Variants in HECW1 observed in about 807,000 individuals in gnomAD.
HECW1 encodes E3 ubiquitin-protein ligase HECW1.
Under a neutral mutation model 182.3 loss-of-function variants are expected in HECW1, and 61 were observed. The ratio of observed to expected loss-of-function variants is 0.33; its 90% CI spans 0.27 to 0.41. The LOEUF (loss-of-function observed/expected upper bound fraction) is 0.41. Among genes scored for constraint, HECW1 ranks in the 10% least tolerant of loss-of-function variants. HECW1 has a pLI of 1.00. For synonymous variants in HECW1, 859 were observed against 832.6 expected (o/e 1.03, Z -0.55); for missense variants, 1,739 against 2,108.9 (o/e 0.82, Z 3.44).
intron 17 of HECW1, among the ~76,000 whole-genome samples, chr7:43,485,417 C>T (rs2078591936): frequency 6.6e-6 from 1 of 152,194 alleles, no homozygotes; most frequent in African/African-American, 2.4e-5. Flanking sequence ...TGAAAATAAA[C>T]TGTTTAATTA....
intron 3 of HECW1, among the ~76,000 whole-genome samples, chr7:43,291,175 T>A (rs1805353758): frequency 6.6e-6 from 1 of 152,212 alleles, no homozygotes; most frequent in South Asian, 2.1e-4. Context: ...AGCAAGGCAA[T>A]TTTTACTTTC....
At chr7:43,299,299 G>A (rs554893578) in intron 3 of HECW1, among the ~76,000 whole-genome samples, 30 of 152,318 alleles carry the variant, frequency 2.0e-4, no homozygotes, top group African/African-American at 6.3e-4. Flanking sequence ...GGGAGAGGCC[G>A]TGGGGCTGGT....
intron 29 of HECW1, among the ~76,000 whole-genome samples, chr7:43,561,393 C>G (rs967559331): frequency 2.6e-5 from 4 of 152,208 alleles, no homozygotes; most frequent in African/African-American, 9.6e-5. Flanking sequence ...TCAGGTTCCT[C>G]TAAATAGATG....
At chr7:43,473,906 G>A (rs1163247404) in intron 16 of HECW1, among the ~76,000 whole-genome samples, 1 of 152,088 alleles carries the variant, frequency 6.6e-6, no homozygotes, top group Non-Finnish European at 1.5e-5. Flanking sequence ...TAACAAGTAA[G>A]TAAGTAAAGT....
chr7:43,138,024 A>C lies in HECW1; in HGVS notation c.-32+23633A>C, dbSNP rs542452230. ...AATGATTTCAGTGGCTTTGTTTGTA[A>C]ATTCTTTTGCATCTCTCTCATTTAT... is the stretch of plus-strand genomic sequence containing the variant. On this transcript the variant is annotated intron_variant, in intron 2 of 29. Coordinates refer to ENST00000395891, the MANE Select transcript of HECW1 (RefSeq NM_015052.5). Among the ~76,000 whole-genome samples the C allele has an allele frequency of 3.7e-4, 57 of 152,212 alleles. 3 individuals are homozygous for C. The South Asian group carries it at 0.01, about 28-fold the overall frequency.
At chr7:43,467,381 G>T (rs369064607) in intron 15 of HECW1, among the ~76,000 whole-genome samples, 1 of 152,140 alleles carries the variant, frequency 6.6e-6, no homozygotes, top group Non-Finnish European at 1.5e-5. Context: ...GGATGCACCC[G>T]TGAGGAGGCC....
chr7:43,513,997 C>A (rs978171335), intron 24 of HECW1, among the ~76,000 whole-genome samples: 2 of 152,206 alleles, frequency 1.3e-5, no homozygotes, highest in African/African-American at 4.8e-5. Context: ...TCTCAATCAA[C>A]ACTCTTCTTC....
Position 43,189,319 on chromosome 7 carries a change from G to T in HECW1, c.-31-54556G>T, listed in dbSNP as rs550029732. 4.3e-4 allele frequency among the ~76,000 whole-genome samples: 66 copies of T among 152,242 alleles called. 1 individual carries two copies. The highest frequency in any genetic ancestry group is 2.4e-3 in the Admixed American group (37 of 15,300). On this transcript the variant is annotated intron_variant, in intron 2 of 29. Transcript: ENST00000395891. Reference sequence around the variant, plus strand: ...TAAGGGGCAGATTCTGATTCAGTAGGTGAGGGTGGGGCCTGAGACTTCGCA... The same window carrying T: ...TAAGGGGCAGATTCTGATTCAGTAGTTGAGGGTGGGGCCTGAGACTTCGCA...
At chr7:43,325,341 G>C (rs959334753) in intron 5 of HECW1, among the ~76,000 whole-genome samples, 1 of 152,122 alleles carries the variant, frequency 6.6e-6, no homozygotes, top group East Asian at 1.9e-4. Context: ...TTTGGGCTCC[G>C]CTGGCCCATT....
rs181476892 is a variant in HECW1 at position 43,246,266 on chromosome 7, G to C, written c.27+2334G>C. On this transcript the variant is annotated intron_variant, in intron 3 of 29. Transcript: ENST00000395891. ...TACAGTGAGCTAATATGGCACCACTGCATTCCAGCCTGCGTGACGTAGCAA... is the reference window on the plus strand; with the variant it reads ...TACAGTGAGCTAATATGGCACCACTCCATTCCAGCCTGCGTGACGTAGCAA... 1.2e-3 allele frequency among the ~76,000 whole-genome samples: 185 copies of C among 152,316 alleles called. 1 individual carries two copies. The highest frequency in any genetic ancestry group is 4.2e-3 in the African/African-American group (173 of 41,566).
At chr7:43,279,764 A>G (rs1208465268) in intron 3 of HECW1, among the ~76,000 whole-genome samples, 4 of 152,120 alleles carry the variant, frequency 2.6e-5, no homozygotes, top group Non-Finnish European at 5.9e-5. Flanking sequence ...ATTTGTAAGT[A>G]TATTTTTATT....
chr7:43,205,658 A>G (rs1256983648), intron 2 of HECW1, among the ~76,000 whole-genome samples: 1 of 152,222 alleles, frequency 6.6e-6, no homozygotes, highest in Non-Finnish European at 1.5e-5. Context: ...ACTCCACAGC[A>G]TGCCTGGCCA....
chr7:43,550,687 T>A (rs1402451630), intron 27 of HECW1, 96 bp downstream of exon 27: 1 of 1,289,248 alleles, frequency 7.8e-7, no homozygotes, highest in Non-Finnish European at 1.1e-6. Flanking sequence ...GCAGCTCAGG[T>A]GGTGAAAACA....
chr7:43,230,144 G>A (rs544695483), intron 2 of HECW1, among the ~76,000 whole-genome samples: 1 of 152,356 alleles, frequency 6.6e-6, no homozygotes, highest in Non-Finnish European at 1.5e-5. Context: ...TGTAATCCCA[G>A]CACTTGGGGA....
At chr7:43,170,339 C>A (rs1779577159) in intron 2 of HECW1, among the ~76,000 whole-genome samples, 2 of 152,056 alleles carry the variant, frequency 1.3e-5, no homozygotes, top group South Asian at 4.2e-4. Context: ...GTTCTTGAAT[C>A]ATCTCAAAAT....
At chr7:43,258,742 T>C (rs769129293) in intron 3 of HECW1, 1 of 152,130 alleles carries the variant, frequency 6.6e-6, no homozygotes, top group Non-Finnish European at 1.5e-5. Context: ...GCTTATAGAG[T>C]TGTTGTTGGC....
At chr7:43,285,011 T>G (rs1255785609) in intron 3 of HECW1, among the ~76,000 whole-genome samples, 2 of 151,468 alleles carry the variant, frequency 1.3e-5, no homozygotes, top group East Asian at 3.9e-4. Flanking sequence ...TTTTTTTTTT[T>G]GCTTTAAGGT....
chr7:43,530,944 G>A (rs925793833), intron 24 of HECW1, among the ~76,000 whole-genome samples: 3 of 152,312 alleles, frequency 2.0e-5, no homozygotes, highest in African/African-American at 7.2e-5. Context: ...GTTTAAACCT[G>A]TCAATGGGTT....
At position 43,220,779 on chromosome 7, in the gene HECW1, A is replaced by G. The variant is rs191178906; in HGVS notation, c.-31-23096A>G. 1.4e-3 allele frequency among the ~76,000 whole-genome samples: 206 copies of G among 152,334 alleles called. 1 individual carries two copies. The highest frequency in any genetic ancestry group is 4.8e-3 in the African/African-American group (199 of 41,588). On this transcript the variant is annotated intron_variant, in intron 2 of 29. Coordinates refer to ENST00000395891, the MANE Select transcript of HECW1 (RefSeq NM_015052.5). Reference sequence around the variant, plus strand: ...ACCAGATAGTAGGTTTAGGAAAGCCACCAATCCCTTCCACCCCCATGGCCT... The same window carrying G: ...ACCAGATAGTAGGTTTAGGAAAGCCGCCAATCCCTTCCACCCCCATGGCCT...
Sources: allele counts gnomAD v4.1 joint callset (sites outside exome capture counted in the v4.1 genomes callset), GRCh38; gene constraint gnomAD v4.1.1; transcripts MANE v1.5; gene names NCBI Gene and HGNC (gene_info 2026-07-23, HGNC 2026-07-21).